The following KIAA0586 variants were observed in gnomAD, a reference collection of about 807,000 sequenced individuals.
KIAA0586 encodes the protein KIAA0586.
KIAA0586 carries 144 observed loss-of-function variants against 169.8 expected under a neutral mutation model. The ratio of observed to expected loss-of-function variants is 0.85; its 90% CI spans 0.74 to 0.97. KIAA0586 has a LOEUF of 0.97. Among genes scored for constraint, KIAA0586 ranks in the 50% least tolerant of loss-of-function variants. The pLI, the probability that KIAA0586 is intolerant of heterozygous loss-of-function variation, is 0.00. For synonymous variants in KIAA0586, 625 were observed against 612.4 expected (o/e 1.02, Z -0.30); for missense variants, 1,854 against 1,823.0 (o/e 1.02, Z -0.31).
rs907708363 is a variant in KIAA0586, at chr14:58,551,032, T to C, written c.*3100T>C. ...GGTGAAACCCCATCTCTACTAAAAA[T>C]ACAAAAATTAGCCAGGCATGGTGGC... On this transcript the variant is annotated 3_prime_UTR_variant, in exon 31 of 31. Transcript: ENST00000652326. The C allele has an allele frequency of 6.6e-6, 1 of 151,596 alleles. No homozygotes were observed. Among genetic ancestry groups the C allele is most frequent in the Non-Finnish European group, 1.5e-5 (1 of 67,970 alleles). 9.4% of individuals were successfully genotyped at this position (151,596 alleles called of 1,614,324 possible).
At position 58,449,609 on chromosome 14, in the gene KIAA0586, A is replaced by G. The variant is rs186689078; in HGVS notation, c.962-970A>G. ...CATTTTTAAGTTATGAAGAGAGGAC[A>G]GTGAAGCACAGAATGGTGTGACTTG... On this transcript the variant is annotated intron_variant, in intron 7 of 30. Transcript: ENST00000652326. Among the ~76,000 whole-genome samples the G allele has an allele frequency of 1.9e-4, 29 of 152,336 alleles. No individual in the cohort carries two copies. In the East Asian group the frequency reaches 2.5e-3, roughly 13 times the overall value.
At chr14:58,554,628 G>A (rs1458767195), downstream of KIAA0586, among the ~76,000 whole-genome samples, 3 of 152,188 alleles carry the variant, frequency 2.0e-5, no homozygotes, top group African/African-American at 7.2e-5. Context: ...CAAAACATTA[G>A]GCTAAGGCAG....
intron 29 of KIAA0586, among the ~76,000 whole-genome samples, chr14:58,534,096 G>C (rs1244805787): frequency 6.6e-6 from 1 of 152,124 alleles, no homozygotes. Flanking sequence ...TATATTTTTA[G>C]TGATAACCAC....
intron 26 of KIAA0586, among the ~76,000 whole-genome samples, chr14:58,495,224 T>C (rs2043083586): frequency 6.6e-6 from 1 of 152,134 alleles, no homozygotes; most frequent in Non-Finnish European, 1.5e-5. Context: ...TTTCTAAGCA[T>C]TAAGCATTTA....
At chr14:58,435,388 G>A (rs1317256864) in intron 4 of KIAA0586, among the ~76,000 whole-genome samples, 1 of 152,108 alleles carries the variant, frequency 6.6e-6, no homozygotes, top group Non-Finnish European at 1.5e-5. Flanking sequence ...GGTACGTAGT[G>A]TTGTACTTAT....
chr14:58,534,928 C>T (rs2046191433), intron 29 of KIAA0586, among the ~76,000 whole-genome samples: 1 of 152,094 alleles, frequency 6.6e-6, no homozygotes, highest in African/African-American at 2.4e-5. Context: ...AAAGAATTTT[C>T]ACAAATACAG....
chr14:58,429,699 T>C (rs769699852), intron 2 of KIAA0586, among the ~76,000 whole-genome samples: 1 of 152,154 alleles, frequency 6.6e-6, no homozygotes, highest in Non-Finnish European at 1.5e-5. Flanking sequence ...TCTCTTACTA[T>C]TCAGGGAAAA....
intron 21 of KIAA0586, 42 bp from the exon 22 acceptor site, chr14:58,486,965 G>C (rs775483301): frequency 2.1e-6 from 3 of 1,456,686 alleles, no homozygotes; most frequent in South Asian, 1.3e-5. Context: ...ACTTTTATTT[G>C]GGTGATTATA....
chr14:58,440,276 C>T (rs2038206868), intron 4 of KIAA0586: 2 of 407,938 alleles, frequency 4.9e-6, no homozygotes, highest in Admixed American at 5.6e-5. Context: ...CTCTGCTTTT[C>T]TCTTTTCTTC....
intron 15 of KIAA0586, among the ~76,000 whole-genome samples, chr14:58,467,312 G>T (rs2040845246): frequency 6.6e-6 from 1 of 152,158 alleles, no homozygotes; most frequent in South Asian, 2.1e-4. Context: ...TTTGTCAAAG[G>T]CTACACAGCT....
intron 26 of KIAA0586, among the ~76,000 whole-genome samples, chr14:58,492,787 C>T (rs1279444496): frequency 6.6e-6 from 1 of 152,184 alleles, no homozygotes; most frequent in Non-Finnish European, 1.5e-5. Context: ...TGGAGTAGGA[C>T]TTTGCAGGCA....
Position 58,432,313 on chromosome 14 carries a change from AT to A in KIAA0586, c.341-68del, listed in dbSNP as rs1320038258. The stretch of plus-strand genomic sequence containing the variant: ...CTAAACATTCTTTTAGTTAAAAAAG[AT>A]TTTTTTAGTAGCTTATTAAAGTTTA... On this transcript the variant is annotated intron_variant, in intron 3 of 30. Transcript: ENST00000652326. 16 of 899,524 alleles carry A rather than the reference AT, an allele frequency of 1.8e-5. No homozygotes were observed. In the East Asian group the frequency reaches 3.1e-4, roughly 17 times the overall value. The allele number at this position is 899,524 out of a possible 1,614,324, so 55.7% of individuals were successfully genotyped here. A position where few individuals can be genotyped will look rare whatever the true frequency, so the allele number is the denominator to read the frequency against.
chr14:58,443,834 G>T, intron 5 of KIAA0586, 120 bp from the exon 6 acceptor site: 2 of 649,590 alleles, frequency 3.1e-6, no homozygotes, highest in Admixed American at 3.0e-5. Flanking sequence ...ACATTTAGTG[G>T]GTAAAGGCTC....
chr14:58,558,393 G>A, the KIAA0586 span, among the ~76,000 whole-genome samples: 1 of 152,134 alleles, frequency 6.6e-6, no homozygotes, highest in Non-Finnish European at 1.5e-5. Flanking sequence ...TAACTTTTCA[G>A]TTGACATTTT....
intron 27 of KIAA0586, among the ~76,000 whole-genome samples, chr14:58,499,503 T>A (rs1399045063): frequency 6.6e-6 from 1 of 152,012 alleles, no homozygotes; most frequent in Non-Finnish European, 1.5e-5. Flanking sequence ...CCGCCCTCCA[T>A]GGCCTCCCAA....
chr14:58,559,822 G>A, the KIAA0586 span, among the ~76,000 whole-genome samples: 1 of 152,054 alleles, frequency 6.6e-6, no homozygotes, highest in African/African-American at 2.4e-5. Flanking sequence ...AAAAGGAGTG[G>A]TTCCAAATCT....
chr14:58,451,128 A>G (rs1043152027), intron 8 of KIAA0586, among the ~76,000 whole-genome samples: 2 of 151,636 alleles, frequency 1.3e-5, no homozygotes, highest in Non-Finnish European at 2.9e-5. Context: ...AGCTGGGACT[A>G]TGGGCGCCCA....
chr14:58,526,330 TGC>T (rs986628813), intron 29 of KIAA0586, among the ~76,000 whole-genome samples: 7 of 152,252 alleles, frequency 4.6e-5, no homozygotes, highest in African/African-American at 1.7e-4. Context: ...ATCTGGTGGG[TGC>T]CCCTCTGGGA....
chr14:58,553,215 G>T (rs563136062), downstream of KIAA0586, among the ~76,000 whole-genome samples: 8 of 152,178 alleles, frequency 5.3e-5, no homozygotes, highest in Non-Finnish European at 1.2e-4. Context: ...GATATTTGTG[G>T]TATGCTCTAA....
Sources: gnomAD v4.1 joint callset for allele counts (sites outside exome capture counted in the v4.1 genomes callset) on GRCh38, gnomAD v4.1.1 for gene constraint, MANE v1.5 for transcripts, NCBI Gene and HGNC (gene_info 2026-07-23, HGNC 2026-07-21) for gene names.